The following PRP4K variants were observed in gnomAD, a reference collection of about 807,000 sequenced individuals.
PRP4K encodes serine/threonine-protein kinase PRP4 homolog.
the PRP4K span, chr6:4,042,442 G>T: frequency 7.1e-7 from 1 of 1,415,674 alleles, no homozygotes; most frequent in Non-Finnish European, 9.9e-7. Flanking sequence ...TGTATAAGGG[G>T]TATGGTTTTA....
chr6:4,032,246 C>G, the PRP4K span: 4 of 1,613,134 alleles, frequency 2.5e-6, no homozygotes, highest in African/African-American at 2.7e-5. Flanking sequence ...AATCCCCTAC[C>G]CTTAGAAGGC....
At chr6:4,040,109 C>A in the PRP4K span, among the ~76,000 whole-genome samples, 1 of 151,644 alleles carries the variant, frequency 6.6e-6, no homozygotes, top group African/African-American at 2.4e-5. Flanking sequence ...TGGTCTCAAA[C>A]TCCCGAGCTC....
the PRP4K span, among the ~76,000 whole-genome samples, chr6:4,030,529 T>C: frequency 6.6e-6 from 1 of 152,232 alleles, no homozygotes; most frequent in Admixed American, 6.5e-5. Context: ...TAAATAGTGC[T>C]TTTGAACCAG....
the PRP4K span, among the ~76,000 whole-genome samples, chr6:4,046,204 A>G: frequency 6.6e-6 from 1 of 152,182 alleles, no homozygotes; most frequent in Non-Finnish European, 1.5e-5. Flanking sequence ...TAATTTTGCT[A>G]TGTATTACCA....
At chr6:4,043,201 C>T in the PRP4K span, among the ~76,000 whole-genome samples, 3 of 152,116 alleles carry the variant, frequency 2.0e-5, no homozygotes, top group African/African-American at 7.2e-5. Flanking sequence ...TAATAGTGTG[C>T]CACGTTGGAG....
At chr6:4,035,499 T>G in the PRP4K span, among the ~76,000 whole-genome samples, 2 of 151,900 alleles carry the variant, frequency 1.3e-5, no homozygotes, top group Admixed American at 6.6e-5. Flanking sequence ...GTGAGCAGAT[T>G]AAATAAAAGA....
chr6:4,049,004 CTT>C, the PRP4K span: 1 of 1,604,572 alleles, frequency 6.2e-7, no homozygotes, highest in Non-Finnish European at 8.5e-7. Flanking sequence ...CATGTTGCCT[CTT>C]TAATTTCAGA....
At chr6:4,045,011 T>C in the PRP4K span, among the ~76,000 whole-genome samples, 3 of 151,816 alleles carry the variant, frequency 2.0e-5, no homozygotes, top group Admixed American at 1.3e-4. Flanking sequence ...TACAGGCGCC[T>C]GCCACCACGC....
chr6:4,046,709 G>A, the PRP4K span, among the ~76,000 whole-genome samples: 1 of 150,754 alleles, frequency 6.6e-6, no homozygotes, highest in Non-Finnish European at 1.5e-5. Flanking sequence ...CCCAGGTGGA[G>A]TGCAGTGGCG....
the PRP4K span, among the ~76,000 whole-genome samples, chr6:4,039,469 G>T: frequency 4.5e-4 from 69 of 152,232 alleles, no homozygotes; most frequent in Non-Finnish European, 7.9e-4. Context: ...CCCTTCTCTA[G>T]AAAGCAAATC....
chr6:4,028,168 A>G, the PRP4K span, among the ~76,000 whole-genome samples: 3 of 152,148 alleles, frequency 2.0e-5, no homozygotes, highest in Admixed American at 6.5e-5. Flanking sequence ...TTTCCCTTCC[A>G]TAATAAAACA....
At chr6:4,027,416 A>G in the PRP4K span, among the ~76,000 whole-genome samples, 1 of 152,208 alleles carries the variant, frequency 6.6e-6, no homozygotes, top group Non-Finnish European at 1.5e-5. Context: ...CTAAGGGCAC[A>G]ATAGCTTTGT....
the PRP4K span, chr6:4,037,345 A>G: frequency 5.5e-6 from 8 of 1,456,676 alleles, no homozygotes; most frequent in Non-Finnish European, 7.3e-6. Context: ...TATAGAAAAA[A>G]ATCATTTACT....
chr6:4,034,564 T>G, the PRP4K span, among the ~76,000 whole-genome samples: 1 of 152,168 alleles, frequency 6.6e-6, no homozygotes, highest in African/African-American at 2.4e-5. Flanking sequence ...ATTAGGAAAG[T>G]TTAGGAAAAC....
chr6:4,037,183 G>A, the PRP4K span, among the ~76,000 whole-genome samples: 1 of 152,028 alleles, frequency 6.6e-6, no homozygotes, highest in African/African-American at 2.4e-5. Context: ...TTTTCAAACT[G>A]TGGGACCAGA....
the PRP4K span, chr6:4,056,972 A>G: frequency 7.0e-7 from 1 of 1,429,766 alleles, no homozygotes. Context: ...ATTAATGGAA[A>G]TAAAAATTAA....
At chr6:4,027,279 C>T in the PRP4K span, among the ~76,000 whole-genome samples, 1 of 152,188 alleles carries the variant, frequency 6.6e-6, no homozygotes, top group African/African-American at 2.4e-5. Context: ...AGAGACATTT[C>T]TTGAACACTT....
At chr6:4,048,327 G>T in the PRP4K span, among the ~76,000 whole-genome samples, 39 of 150,414 alleles carry the variant, frequency 2.6e-4, no homozygotes, top group South Asian at 1.5e-3. Flanking sequence ...TGCAGTGAGC[G>T]GAGATCGCGC....
At chr6:4,037,331 T>G in the PRP4K span, 4 of 1,394,362 alleles carry the variant, frequency 2.9e-6, no homozygotes, top group South Asian at 4.8e-5. Flanking sequence ...AGATGTTCTT[T>G]GCATATAGAA....
Sources: allele counts gnomAD v4.1 joint callset (sites outside exome capture counted in the v4.1 genomes callset), GRCh38; gene constraint gnomAD v4.1.1; transcripts MANE v1.5; gene names NCBI Gene and HGNC (gene_info 2026-07-23, HGNC 2026-07-21).